DLK2: variants seen among roughly 807,000 people sequenced by gnomAD.
The protein encoded by DLK2 is protein delta homolog 2.
DLK2 carries 9 observed loss-of-function variants against 31.3 expected under a neutral mutation model. That is an observed-to-expected ratio of 0.29 (90% CI 0.17 to 0.50). DLK2 has a LOEUF of 0.50. Among genes scored for constraint, DLK2 ranks in the 20% least tolerant of loss-of-function variants. The probability of loss-of-function intolerance (pLI) is 0.98; values close to 1 mark genes in which losing one functional copy is unlikely to be tolerated. For synonymous variants in DLK2, 169 were observed against 201.2 expected (o/e 0.84, Z 1.35); for missense variants, 387 against 526.1 (o/e 0.74, Z 2.59).
intron 3 of DLK2, 88 bp downstream of exon 3, chr6:43,454,323 A>G: frequency 7.9e-7 from 1 of 1,266,868 alleles, no homozygotes; most frequent in Non-Finnish European, 1.1e-6. Context: ...TGAAGAGTAG[A>G]GTCTGAAGCC....
chr6:43,453,843 C>T lies in DLK2; in HGVS notation c.140+568G>A, dbSNP rs1028127604. Among the ~76,000 whole-genome samples, 2 of 151,258 alleles carry T rather than the reference C, an allele frequency of 1.3e-5. No homozygotes were observed. The highest frequency in any genetic ancestry group is 3.0e-5 in the Non-Finnish European group (2 of 67,482). ...AAGGTCATCAGGACTATCCTCCCAC[C>T]ATGATTCCAGGGCAAACACTTGACC... is the stretch of plus-strand genomic sequence containing the variant. On this transcript the variant is annotated intron_variant, in intron 3 of 5. Coordinates refer to ENST00000372488, the MANE Select transcript of DLK2 (RefSeq NM_023932.4). The surrounding 1 kb of genome is among the most constrained non-coding windows in gnomAD (Gnocchi z 4.1).
At position 43,454,407 on chromosome 6, in the gene DLK2, G is replaced by GT. The variant is rs1562215058; in HGVS notation, c.140+3dup. ...GTTTGGGGGCACGTGCTCAGGACAG[G>GT]TACCTGCAGGAGCCGTCAGGTGCAC... On this transcript the variant is annotated splice_donor_region_variant and intron_variant, in intron 3 of 5. Coordinates refer to ENST00000372488, the MANE Select transcript of DLK2 (RefSeq NM_023932.4). The GT allele has an allele frequency of 1.2e-6, 2 of 1,603,144 alleles. No homozygotes were observed. The highest frequency in any genetic ancestry group is 3.5e-5 in the Admixed American group (2 of 57,524).
intron 1 of DLK2, chr6:43,455,177 G>A (rs1221784882): frequency 2.4e-6 from 2 of 819,742 alleles, no homozygotes; most frequent in Non-Finnish European, 2.9e-6. Flanking sequence ...CGCGGGATGG[G>A]GACAGCGCCG....
At chr6:43,454,323 A>AGTCTGAAG in intron 3 of DLK2, 88 bp downstream of exon 3, 1 of 1,266,870 alleles carries the variant, frequency 7.9e-7, no homozygotes, top group Non-Finnish European at 1.1e-6. Flanking sequence ...TGAAGAGTAG[A>AGTCTGAAG]GTCTGAAGCC....
At chr6:43,454,561 G>C (rs1000752713) in intron 2 of DLK2, 87 bp from the exon 3 acceptor site, 1 of 1,417,018 alleles carries the variant, frequency 7.1e-7, no homozygotes, top group African/African-American at 1.4e-5. Flanking sequence ...TGGGGTTCCA[G>C]TAACTGAGCG....
rs955103699 is a variant in DLK2, at chr6:43,451,780, C to G, written c.416+160G>C. The G allele has an allele frequency of 5.1e-6, 5 of 971,120 alleles. No homozygotes were observed. In the Admixed American group the frequency reaches 1.8e-4, roughly 36 times the overall value. 60.2% of individuals were successfully genotyped at this position (971,120 alleles called of 1,614,324 possible). A position where few individuals can be genotyped will look rare whatever the true frequency, so the allele number is the denominator to read the frequency against. Reference sequence around the variant, plus strand: ...GGTACAAAAAAAAAAGTTGAGAAACCCTGAACTAGGAACACTTTGGCATGC... The same window carrying G: ...GGTACAAAAAAAAAAGTTGAGAAACGCTGAACTAGGAACACTTTGGCATGC... On this transcript the variant is annotated intron_variant, in intron 5 of 5. Transcript: ENST00000372488. The surrounding 1 kb of genome is among the most constrained non-coding windows in gnomAD (Gnocchi z 4.4).
rs1234769342 is a variant in DLK2, at chr6:43,455,426, CAGAG to C, written c.-91_-88del. 2.6e-5 allele frequency: 4 copies of C among 151,304 alleles called. No individual in the cohort carries two copies. The highest frequency in any genetic ancestry group is 2.6e-4 in the Admixed American group (4 of 15,222). The allele number at this position is 151,304 out of a possible 1,614,324, so 9.4% of individuals were successfully genotyped here. On this transcript the variant is annotated 5_prime_UTR_variant, in exon 1 of 6. Transcript: ENST00000372488. ...CGGGGAGGTGGCGCGCCCCGGGGCG[CAGAG>C]AGAGGCCGGATCCGACGGGCGCCGC...
At position 43,451,036 on chromosome 6, in the gene DLK2, G is replaced by A. The variant is rs769492393; in HGVS notation, c.655C>T (p.Arg219Cys). ...CTINLDDCAS[R>C]PCQRGARCRD... is the part of the protein sequence containing the mutation. ...CAGCGGGCCCCTCTCTGGCATGGGC[G>A]GCTGGCACAGTCATCCAGGTTGATG... Residue 219 changes from arginine to cysteine, a missense_variant, in exon 6 of 6, where the codon CGC (arginine) becomes TGC (cysteine). Arg to Cys is a radical substitution (Grantham distance 180, BLOSUM62 -3). Transcript: ENST00000372488. This position sits in a 1 kb window ranked among gnomAD's most constrained non-coding sequence, Gnocchi z 4.4. The A allele has an allele frequency of 4.3e-6, 7 of 1,614,094 alleles. No homozygotes were observed. The highest frequency in any genetic ancestry group is 5.9e-6 in the Non-Finnish European group (7 of 1,180,034).
Position 43,450,729 on chromosome 6 carries a change from AC to A in DLK2, c.961del (p.Val321PhefsTer7). ...CAGGGTCAGCAACACAGTAGCCAGAACCAGGGCAGCAGTGAGGGCCCCAAAC... is the reference window on the plus strand; with the variant it reads ...CAGGGTCAGCAACACAGTAGCCAGAACAGGGCAGCAGTGAGGGCCCCAAAC... ...VVFGALTAAL[V>X]LATVLLTLRA... On this transcript the variant is annotated frameshift_variant, in exon 6 of 6. Transcript: ENST00000372488. LOFTEE classifies it high-confidence loss of function. The surrounding 1 kb of genome is among the most constrained non-coding windows in gnomAD (Gnocchi z 4.5). 6.2e-7 allele frequency: 1 copy of A among 1,614,166 alleles called. No homozygotes were observed. Among genetic ancestry groups the A allele is most frequent in the Non-Finnish European group, 8.5e-7 (1 of 1,179,992 alleles).
chr6:43,453,247 A>G lies in DLK2; in HGVS notation c.141-112T>C. ...AGGACATATGACAGCCCCTAAGGGA[A>G]AGCAGACCTGTCCCAGGTAGGTGTA... On this transcript the variant is annotated intron_variant, in intron 3 of 5. Transcript: ENST00000372488. The surrounding 1 kb of genome is among the most constrained non-coding windows in gnomAD (Gnocchi z 4.1). 1.5e-6 allele frequency: 2 copies of G among 1,377,926 alleles called. No individual in the cohort carries two copies. The highest frequency in any genetic ancestry group is 1.9e-6 in the Non-Finnish European group (2 of 1,042,170). The allele number at this position is 1,377,926 out of a possible 1,614,324, so 85.4% of individuals were successfully genotyped here.
Position 43,450,554 on chromosome 6 carries a change from C to T in DLK2, c.1137G>A (p.Lys379=), listed in dbSNP as rs779338391. 2.6e-6 allele frequency: 4 copies of T among 1,563,954 alleles called. No individual in the cohort carries two copies. The African/African-American group carries it at 5.4e-5, about 21-fold the overall frequency. ...CCCACCTCCATCACAGTGCTGTGGTCTTTCCAGGCTCAGGGGGCAAGTCAC... is the reference window on the plus strand; with the variant it reads ...CCCACCTCCATCACAGTGCTGTGGTTTTTCCAGGCTCAGGGGGCAAGTCAC... ...LPRDLPPEPG[K]TTAL is the part of the protein sequence containing the mutation. The change falls in exon 6 of 6, where the codon AAG becomes AAA. Residue 379 remains lysine, a synonymous_variant. Coordinates refer to ENST00000372488, the MANE Select transcript of DLK2 (RefSeq NM_023932.4). This position sits in a 1 kb window ranked among gnomAD's most constrained non-coding sequence, Gnocchi z 4.5.
intron 1 of DLK2, 154 bp from the exon 2 acceptor site, chr6:43,455,034 GGCGAAGAGA>G: frequency 6.1e-6 from 6 of 985,128 alleles, no homozygotes; most frequent in Non-Finnish European, 7.2e-6. Context: ...GGGTTGAGCA[GGCGAAGAGA>G]GCGAGGAGAG....
In DLK2 at chr6:43,450,577, C is replaced by G; in HGVS notation, c.1114G>C (p.Asp372His). 1.3e-6 allele frequency: 2 copies of G among 1,579,254 alleles called. No homozygotes were observed. The highest frequency in any genetic ancestry group is 3.4e-4 in the Middle Eastern group (2 of 5,882). The stretch of plus-strand genomic sequence containing the variant: ...GTCTTTCCAGGCTCAGGGGGCAAGT[C>G]ACGTGGCAGGGGGAGCCCTGCTGGC... ...MLPAGLPLPR[D>H]LPPEPGKTTA... Residue 372 changes from aspartate to histidine, a missense_variant, in exon 6 of 6, where the codon GAC (aspartate) becomes CAC (histidine). Coordinates refer to ENST00000372488, the MANE Select transcript of DLK2 (RefSeq NM_023932.4). This position sits in a 1 kb window ranked among gnomAD's most constrained non-coding sequence, Gnocchi z 4.5.
Position 43,450,841 on chromosome 6 carries a change from C to T in DLK2, c.850G>A (p.Ala284Thr). The T allele has an allele frequency of 6.2e-7, 1 of 1,614,204 alleles. No individual in the cohort carries two copies. The highest frequency in any genetic ancestry group is 8.5e-7 in the Non-Finnish European group (1 of 1,180,012). ...TTCACTGAGATCCGCAGCAGACCAGCCCCTGCGCTGTGGGGGGCTGGCCCC... is the reference window on the plus strand; with the variant it reads ...TTCACTGAGATCCGCAGCAGACCAGTCCCTGCGCTGTGGGGGGCTGGCCCC... ...ATGPAPHSAG[A>T]GLLRISVKEV... is the part of the protein sequence containing the mutation. Residue 284 changes from alanine to threonine, a missense_variant, in exon 6 of 6, where the codon GCT (alanine) becomes ACT (threonine). Ala to Thr is a moderately conservative substitution (Grantham distance 58, BLOSUM62 0). Transcript: ENST00000372488. The surrounding 1 kb of genome is among the most constrained non-coding windows in gnomAD (Gnocchi z 4.5).
chr6:43,450,368 T>G lies in DLK2; in HGVS notation c.*171A>C. On this transcript the variant is annotated 3_prime_UTR_variant, in exon 6 of 6. Transcript: ENST00000372488. This position sits in a 1 kb window ranked among gnomAD's most constrained non-coding sequence, Gnocchi z 4.5. ...GGAGCCCACTTGCATTTTCATAGTT[T>G]TATTTGATAAAATTCCATCTTACAT... 4.9e-6 allele frequency: 5 copies of G among 1,023,414 alleles called. No individual in the cohort carries two copies. The highest frequency in any genetic ancestry group is 6.8e-6 in the Non-Finnish European group (5 of 734,874). The allele number at this position is 1,023,414 out of a possible 1,614,324, so 63.4% of individuals were successfully genotyped here.
At position 43,450,535 on chromosome 6, in the gene DLK2, T is replaced by G; in HGVS notation, c.*4A>C. The G allele has an allele frequency of 6.5e-7, 1 of 1,539,546 alleles. No individual in the cohort carries two copies. Among genetic ancestry groups the G allele is most frequent in the Non-Finnish European group, 8.8e-7 (1 of 1,142,588 alleles). On this transcript the variant is annotated 3_prime_UTR_variant, in exon 6 of 6. Coordinates refer to ENST00000372488, the MANE Select transcript of DLK2 (RefSeq NM_023932.4). This position sits in a 1 kb window ranked among gnomAD's most constrained non-coding sequence, Gnocchi z 4.5. ...GGAAGGGGGCCAGAAAGCCCCCACC[T>G]CCATCACAGTGCTGTGGTCTTTCCA...
chr6:43,455,133 C>T (rs2127425079), intron 1 of DLK2: 1 of 977,876 alleles, frequency 1.0e-6, no homozygotes, highest in South Asian at 4.7e-5. Flanking sequence ...GCGGGAATGG[C>T]TGGGGTTGGG....
At position 43,454,756 on chromosome 6, in the gene DLK2, C is replaced by G. The variant is rs1783906512; in HGVS notation, c.70G>C (p.Val24Leu). The G allele has an allele frequency of 3.2e-6, 5 of 1,552,266 alleles. No homozygotes were observed. Among genetic ancestry groups the G allele is most frequent in the Non-Finnish European group, 4.3e-6 (5 of 1,154,448 alleles). ...LCILGAPGQP[V>L]RADDCSSHCD... ...GCCCAGCGGGCGCGCTCACCTCGGA[C>G]AGGCTGACCGGGAGCCCCCAGAATG... is the stretch of plus-strand genomic sequence containing the variant. The change falls in exon 2 of 6, where the codon GTC becomes CTC. Residue 24 changes from valine (V) to leucine (L), a missense_variant. Transcript: ENST00000372488.
At chr6:43,455,043 A>G in intron 1 of DLK2, 163 bp from the exon 2 acceptor site, 2 of 984,938 alleles carry the variant, frequency 2.0e-6, no homozygotes, top group Non-Finnish European at 2.4e-6. Context: ...AGGCGAAGAG[A>G]GCGAGGAGAG....
Sources: allele counts gnomAD v4.1 joint callset (sites outside exome capture counted in the v4.1 genomes callset), GRCh38; gene constraint gnomAD v4.1.1; non-coding constraint Gnocchi (gnomAD v3.1); transcripts MANE v1.5; gene names NCBI Gene and HGNC (gene_info 2026-07-23, HGNC 2026-07-21).